The following RSPO3 variants were observed in gnomAD, a reference collection of about 807,000 sequenced individuals.
RSPO3 encodes the protein R-spondin 3.
A neutral mutation model predicts 36.5 loss-of-function variants in RSPO3; 17 were observed. The ratio of observed to expected loss-of-function variants is 0.47; its 90% CI spans 0.32 to 0.70. The LOEUF is 0.70. Ranked by LOEUF, RSPO3 falls within the 30% of genes least tolerant of loss-of-function variation. The probability of loss-of-function intolerance (pLI) is 0.04; values close to 1 mark genes in which losing one functional copy is unlikely to be tolerated. For synonymous variants in RSPO3, 108 were observed against 107.0 expected (o/e 1.01, Z -0.06); for missense variants, 294 against 322.5 (o/e 0.91, Z 0.68).
chr6:127,131,917 T>C (rs1237419076), intron 1 of RSPO3, among the ~76,000 whole-genome samples: 1 of 152,154 alleles, frequency 6.6e-6, no homozygotes, highest in Non-Finnish European at 1.5e-5. Context: ...CCCTTTACTT[T>C]AAACCTGAAG....
intron 1 of RSPO3, among the ~76,000 whole-genome samples, chr6:127,147,436 A>G (rs1391469531): frequency 6.6e-6 from 1 of 152,186 alleles, no homozygotes; most frequent in African/African-American, 2.4e-5. Flanking sequence ...CCTGTGCATC[A>G]ATCTTTCTTT....
rs145399148 is a variant in RSPO3 at position 127,122,852 on chromosome 6, G to A, written c.97+3563G>A. On this transcript the variant is annotated intron_variant, in intron 1 of 4. Transcript: ENST00000356698. ...TTTGATTATCTAGGAGATACTATGG[G>A]ATTATTCTGTGCCAGAAGGTTATTG... Among the ~76,000 whole-genome samples, 17 of 152,034 alleles carry A rather than the reference G, an allele frequency of 1.1e-4. No individual in the cohort carries two copies. The East Asian group carries it at 2.5e-3, about 22-fold the overall frequency.
intron 4 of RSPO3, among the ~76,000 whole-genome samples, chr6:127,158,593 T>G (rs184986316): frequency 8.5e-5 from 13 of 152,230 alleles, no homozygotes; most frequent in Admixed American, 4.6e-4. Context: ...AGAAGTTGAA[T>G]AGAAGAAAAT....
Position 127,188,115 on chromosome 6 carries a change from G to C in RSPO3, c.635-7708G>C, listed in dbSNP as rs373366769. ...GCAGCAGAAGCAATGAGGTGGAATG[G>C]AGTTAGCTTGAATGAAAGGGTTATG... On this transcript the variant is annotated intron_variant, in intron 4 of 4. Transcript: ENST00000356698. 1.5e-4 allele frequency among the ~76,000 whole-genome samples: 23 copies of C among 152,254 alleles called. No homozygotes were observed. The East Asian group carries it at 2.9e-3, about 19-fold the overall frequency.
At chr6:127,160,822 T>C (rs1774696261) in intron 4 of RSPO3, among the ~76,000 whole-genome samples, 1 of 152,160 alleles carries the variant, frequency 6.6e-6, no homozygotes, top group Non-Finnish European at 1.5e-5. Flanking sequence ...CAGAGTCAAG[T>C]CTCACTTTGT....
intron 4 of RSPO3, among the ~76,000 whole-genome samples, chr6:127,178,839 A>G (rs186857438): frequency 2.5e-4 from 38 of 151,938 alleles, no homozygotes; most frequent in African/African-American, 8.4e-4. Context: ...AGAAGGCTTT[A>G]CCAGCCAAAG....
At chr6:127,178,410 A>G (rs1280268121) in intron 4 of RSPO3, among the ~76,000 whole-genome samples, 1 of 151,778 alleles carries the variant, frequency 6.6e-6, no homozygotes, top group African/African-American at 2.4e-5. Flanking sequence ...ATCCCTTCAA[A>G]GATTCTCCTA....
chr6:127,147,959 T>G (rs566506116), intron 1 of RSPO3, among the ~76,000 whole-genome samples: 2 of 152,194 alleles, frequency 1.3e-5, no homozygotes, highest in African/African-American at 4.8e-5. Flanking sequence ...TTCACCATTA[T>G]ATCTATTTGA....
At chr6:127,187,470 G>T (rs1775320173) in intron 4 of RSPO3, among the ~76,000 whole-genome samples, 1 of 152,036 alleles carries the variant, frequency 6.6e-6, no homozygotes, top group African/African-American at 2.4e-5. Context: ...ATATTTGACG[G>T]TGCTTAATAG....
chr6:127,155,801 G>A (rs1481699447), intron 4 of RSPO3, among the ~76,000 whole-genome samples: 3 of 151,756 alleles, frequency 2.0e-5, no homozygotes, highest in Admixed American at 6.6e-5. Context: ...AAGAAACACC[G>A]CCATCAAACA....
chr6:127,140,194 G>C (rs1774242728), intron 1 of RSPO3, among the ~76,000 whole-genome samples: 1 of 152,104 alleles, frequency 6.6e-6, no homozygotes, highest in Admixed American at 6.6e-5. Context: ...TATTTAGACT[G>C]TTTCAATATG....
In RSPO3 at chr6:127,133,081, AT is replaced by A. The variant is rs1236877921; in HGVS notation, c.97+13799del. Among the ~76,000 whole-genome samples the A allele has an allele frequency of 5.3e-5, 8 of 152,158 alleles. No individual in the cohort carries two copies. In the East Asian group the frequency reaches 1.5e-3, roughly 29 times the overall value. ...ATTACTTCCTCATTACAGACATAGGATTTTTTTAATTTTAAGATTTCTTTGT... is the reference window on the plus strand; with the variant it reads ...ATTACTTCCTCATTACAGACATAGGATTTTTTAATTTTAAGATTTCTTTGT... On this transcript the variant is annotated intron_variant, in intron 1 of 4. Coordinates refer to ENST00000356698, the MANE Select transcript of RSPO3 (RefSeq NM_032784.5).
intron 4 of RSPO3, among the ~76,000 whole-genome samples, chr6:127,180,962 G>A (rs1775173500): frequency 1.3e-5 from 2 of 151,798 alleles, no homozygotes; most frequent in South Asian, 2.1e-4. Context: ...TCATATTGCT[G>A]ATGAGTAATA....
chr6:127,173,405 G>C lies in RSPO3; in HGVS notation c.634+17967G>C, dbSNP rs118174533. On this transcript the variant is annotated intron_variant, in intron 4 of 4. Transcript: ENST00000356698. Reference sequence around the variant, plus strand: ...GTCAGTGACCTTCAGGCTGTTAAGTGGTTTGTGCAATTTTCACAGGATTAT... The same window carrying C: ...GTCAGTGACCTTCAGGCTGTTAAGTCGTTTGTGCAATTTTCACAGGATTAT... Among the ~76,000 whole-genome samples the C allele has an allele frequency of 4.0e-3, 614 of 151,770 alleles. 14 individuals are homozygous for C. In the East Asian group the frequency reaches 0.07, roughly 17 times the overall value.
chr6:127,133,082 T>G (rs1438728441), intron 1 of RSPO3, among the ~76,000 whole-genome samples: 1 of 152,078 alleles, frequency 6.6e-6, no homozygotes, highest in African/African-American at 2.4e-5. Flanking sequence ...AGACATAGGA[T>G]TTTTTTAATT....
At chr6:127,186,238 C>A (rs1775291740) in intron 4 of RSPO3, among the ~76,000 whole-genome samples, 1 of 152,058 alleles carries the variant, frequency 6.6e-6, no homozygotes, top group African/African-American at 2.4e-5. Context: ...GAATATTTAT[C>A]ATATACTGAT....
At chr6:127,190,307 AC>A (rs1304227197) in intron 4 of RSPO3, among the ~76,000 whole-genome samples, 1 of 152,148 alleles carries the variant, frequency 6.6e-6, no homozygotes, top group Non-Finnish European at 1.5e-5. Context: ...ACGCACCTGT[AC>A]TTCCAGCTAC....
chr6:127,160,725 T>G (rs1345100437), intron 4 of RSPO3, among the ~76,000 whole-genome samples: 1 of 152,170 alleles, frequency 6.6e-6, no homozygotes, highest in Non-Finnish European at 1.5e-5. Flanking sequence ...CATGGCACAT[T>G]GGTGGGTGTG....
chr6:127,165,264 T>C (rs1224285873), intron 4 of RSPO3, among the ~76,000 whole-genome samples: 1 of 152,082 alleles, frequency 6.6e-6, no homozygotes, highest in African/African-American at 2.4e-5. Context: ...ACCTAGGTTT[T>C]CATAATGTAA....
Sources: gnomAD v4.1 joint callset for allele counts (sites outside exome capture counted in the v4.1 genomes callset) on GRCh38, gnomAD v4.1.1 for gene constraint, MANE v1.5 for transcripts, NCBI Gene and HGNC (gene_info 2026-07-23, HGNC 2026-07-21) for gene names.